MTNAP1: variants seen among roughly 807,000 people sequenced by gnomAD.
MTNAP1 encodes the protein mitochondrial nucleoid associated protein 1.
the MTNAP1 span, chr17:73,235,939 G>A: frequency 6.2e-7 from 1 of 1,614,074 alleles, no homozygotes; most frequent in African/African-American, 1.3e-5. Flanking sequence ...AAGAGAACTT[G>A]CCAAAGATTT....
At chr17:73,235,276 T>C in the MTNAP1 span, among the ~76,000 whole-genome samples, 5 of 152,216 alleles carry the variant, frequency 3.3e-5, no homozygotes, top group Non-Finnish European at 7.3e-5. Flanking sequence ...TTTTATTCTT[T>C]ACCATTCTGT....
the MTNAP1 span, chr17:73,245,167 G>A: frequency 5.6e-6 from 9 of 1,613,600 alleles, no homozygotes; most frequent in Non-Finnish European, 6.8e-6. Context: ...TTTATCCAAA[G>A]AGCTGCAGCG....
At chr17:73,241,070 G>A in the MTNAP1 span, among the ~76,000 whole-genome samples, 6 of 152,126 alleles carry the variant, frequency 3.9e-5, no homozygotes, top group Non-Finnish European at 8.8e-5. Context: ...ACCAAACCAA[G>A]ACTAGAGAAC....
chr17:73,245,578 A>C, the MTNAP1 span: 1 of 985,446 alleles, frequency 1.0e-6, no homozygotes, highest in South Asian at 4.7e-5. Context: ...ATACCAGACT[A>C]CTACCTATAT....
the MTNAP1 span, chr17:73,248,729 C>T: frequency 1.7e-5 from 11 of 630,618 alleles, no homozygotes; most frequent in African/African-American, 5.4e-5. Context: ...GTAACTCACA[C>T]GTGGTCTGTG....
the MTNAP1 span, among the ~76,000 whole-genome samples, chr17:73,237,470 T>TG: frequency 2.0e-5 from 3 of 152,120 alleles, no homozygotes. Flanking sequence ...CATTACTTCT[T>TG]GCTTCAGTGG....
chr17:73,247,982 CTCT>C, the MTNAP1 span: 10 of 154,002 alleles, frequency 6.5e-5, no homozygotes, highest in African/African-American at 9.7e-5. Flanking sequence ...CTTCAAGAAT[CTCT>C]TCTTAATGTT....
chr17:73,242,474 T>A, the MTNAP1 span: 1 of 619,640 alleles, frequency 1.6e-6, no homozygotes, highest in Non-Finnish European at 2.8e-6. Flanking sequence ...TGTGTTGTCT[T>A]CCTAGTTTTC....
At chr17:73,247,236 T>G in the MTNAP1 span, 6 of 1,613,538 alleles carry the variant, frequency 3.7e-6, no homozygotes, top group African/African-American at 8.0e-5. Flanking sequence ...ATCTGGCCTT[T>G]ACAGAAAAAT....
the MTNAP1 span, among the ~76,000 whole-genome samples, chr17:73,238,469 T>A: frequency 1.3e-5 from 2 of 152,222 alleles, no homozygotes; most frequent in African/African-American, 4.8e-5. Flanking sequence ...AAACCTCTAT[T>A]TGCCTGGTCT....
the MTNAP1 span, chr17:73,247,544 TAATG>T: frequency 1.9e-6 from 1 of 536,428 alleles, no homozygotes; most frequent in Admixed American, 3.4e-5. Flanking sequence ...TGCTGAAACA[TAATG>T]AAAAGGTTTA....
At chr17:73,240,153 T>C in the MTNAP1 span, among the ~76,000 whole-genome samples, 1 of 152,212 alleles carries the variant, frequency 6.6e-6, no homozygotes, top group Non-Finnish European at 1.5e-5. Context: ...AGACAGGATA[T>C]AGGAGGGAAA....
At chr17:73,232,589 C>A in the MTNAP1 span, 2 of 368,754 alleles carry the variant, frequency 5.4e-6, no homozygotes, top group African/African-American at 2.1e-5. Context: ...TATTTTAAAA[C>A]AGGCGGACCT....
the MTNAP1 span, chr17:73,247,126 C>T: frequency 1.2e-6 from 1 of 862,916 alleles, no homozygotes. Flanking sequence ...AAGCCCTGCT[C>T]ATTTGGTTAG....
At chr17:73,244,041 A>G in the MTNAP1 span, among the ~76,000 whole-genome samples, 67,697 of 152,074 alleles carry the variant, frequency 0.45, 16,037 homozygotes, top group East Asian at 0.62. Flanking sequence ...CAGTTAATCT[A>G]CTTTGAACAC....
chr17:73,234,989 G>A, the MTNAP1 span, among the ~76,000 whole-genome samples: 1 of 152,108 alleles, frequency 6.6e-6, no homozygotes, highest in African/African-American at 2.4e-5. Flanking sequence ...GCTGAGGTGG[G>A]TGGATTGCCA....
At chr17:73,232,645 G>T in the MTNAP1 span, 2 of 250,616 alleles carry the variant, frequency 8.0e-6, no homozygotes, top group South Asian at 1.3e-4. Context: ...TTGGCCGGGG[G>T]TTGGGCAGGG....
the MTNAP1 span, chr17:73,248,078 G>A: frequency 7.9e-5 from 13 of 164,068 alleles, no homozygotes; most frequent in South Asian, 1.4e-3. Context: ...TCAGCATGAC[G>A]AGGAAGCACA....
At chr17:73,238,722 G>A in the MTNAP1 span, among the ~76,000 whole-genome samples, 1 of 152,156 alleles carries the variant, frequency 6.6e-6, no homozygotes, top group South Asian at 2.1e-4. Context: ...GAGGTGGGCA[G>A]AGTGAATTTA....
Sources: allele counts gnomAD v4.1 joint callset (sites outside exome capture counted in the v4.1 genomes callset), GRCh38; gene constraint gnomAD v4.1.1; transcripts MANE v1.5; gene names NCBI Gene and HGNC (gene_info 2026-07-23, HGNC 2026-07-21).